Variants in LPIN2 observed in about 807,000 individuals in gnomAD.
LPIN2 encodes lipin 2, also known as phosphatidate phosphatase LPIN2.
In LPIN2, 55 loss-of-function variants were observed where a neutral mutation model predicts 111.4. The observed-to-expected ratio is 0.49, with a 90% CI of 0.40 to 0.62. The LOEUF is 0.62. LPIN2 is among the 20% of genes least tolerant of loss of function. The pLI, the probability that LPIN2 is intolerant of heterozygous loss-of-function variation, is 0.00. For synonymous variants in LPIN2, 425 were observed against 414.0 expected, an observed-to-expected ratio of 1.03 and a Z score of -0.32; for missense variants, 992 against 1,112.1, an observed-to-expected ratio of 0.89 and a Z score of 1.54.
intron 1 of LPIN2, among the ~76,000 whole-genome samples, chr18:3,011,052 C>T (rs967221220): frequency 6.6e-5 from 10 of 152,148 alleles, no homozygotes; most frequent in African/African-American, 2.4e-4. Context: ...ATCCCAAAGC[C>T]GGCTATGTGC....
chr18:2,946,512 T>G, intron 4 of LPIN2: 2 of 1,565,906 alleles, frequency 1.3e-6, no homozygotes, highest in Non-Finnish European at 1.8e-6. Flanking sequence ...TGACCGCAGC[T>G]CCGGTTGTAG....
At chr18:2,993,361 C>T (rs958427779) in intron 1 of LPIN2, among the ~76,000 whole-genome samples, 1 of 152,196 alleles carries the variant, frequency 6.6e-6, no homozygotes, top group Non-Finnish European at 1.5e-5. Context: ...ATATCATCTT[C>T]TATTCCTATA....
At chr18:2,951,423 T>C (rs2077535924) in intron 3 of LPIN2, 67 bp from the exon 4 acceptor site, 1 of 1,326,620 alleles carries the variant, frequency 7.5e-7, no homozygotes, top group Non-Finnish European at 1.1e-6. Context: ...GCAGTAATAT[T>C]TTGAATATAT....
At chr18:3,005,547 C>T (rs1567866665) in intron 1 of LPIN2, among the ~76,000 whole-genome samples, 1 of 152,090 alleles carries the variant, frequency 6.6e-6, no homozygotes, top group East Asian at 1.9e-4. Context: ...GATGGTGGCA[C>T]ATGCCTGTGG....
chr18:2,940,757 G>T, intron 4 of LPIN2, 45 bp from the exon 5 acceptor site: 1 of 1,176,660 alleles, frequency 8.5e-7, no homozygotes, highest in Non-Finnish European at 1.3e-6. Flanking sequence ...TGACATTCTT[G>T]TCAGCTTTAA....
intron 4 of LPIN2, among the ~76,000 whole-genome samples, chr18:2,942,086 C>CCAGGTTA (rs1568544717): frequency 2.6e-4 from 40 of 152,114 alleles, no homozygotes; most frequent in African/African-American, 9.4e-4. Context: ...AAACCAGGTT[C>CCAGGTTA]TTTTTTAATA....
chr18:2,939,602 T>C lies in LPIN2; in HGVS notation c.700A>G (p.Thr234Ala), dbSNP rs2077341639. 6.2e-7 allele frequency: 1 copy of C among 1,613,102 alleles called. No homozygotes were observed. The highest frequency in any genetic ancestry group is 1.7e-5 in the Admixed American group (1 of 59,992). ...TTAGGACACGCTGTCTGGGGATAGG[T>C]GCTGCAAAGAGAACAAAGACACACG... ...SDGDWSPLET[T>A]YPQTACPKSD... is the part of the protein sequence containing the mutation. The change falls in exon 6 of 20, where the codon ACC (threonine) becomes GCC (alanine). Residue 234 changes from threonine (T) to alanine (A), a missense_variant and splice_region_variant. This residue lies in a region of LPIN2 where 709 missense variants were observed against 753.2 expected (regional missense o/e 0.94). Transcript: ENST00000677752.
chr18:2,993,665 C>T (rs766795512), intron 1 of LPIN2, among the ~76,000 whole-genome samples: 4 of 152,164 alleles, frequency 2.6e-5, no homozygotes, highest in African/African-American at 4.8e-5. Flanking sequence ...AGAGCTTCTT[C>T]CTTCAGTCAA....
At chr18:3,003,307 T>C (rs1263796719) in intron 1 of LPIN2, among the ~76,000 whole-genome samples, 1 of 152,190 alleles carries the variant, frequency 6.6e-6, no homozygotes, top group African/African-American at 2.4e-5. Flanking sequence ...GTGAGTCAAA[T>C]GATACAGTGA....
chr18:2,972,583 T>C (rs2077938667), intron 1 of LPIN2, among the ~76,000 whole-genome samples: 1 of 152,152 alleles, frequency 6.6e-6, no homozygotes, highest in African/African-American at 2.4e-5. Context: ...TCTTCAGAAA[T>C]AGAACCTGGT....
intron 3 of LPIN2, among the ~76,000 whole-genome samples, chr18:2,951,858 G>C (rs1406214603): frequency 4.6e-5 from 7 of 152,190 alleles, no homozygotes; most frequent in African/African-American, 1.4e-4. Context: ...CTTATGTTTT[G>C]CCAAATTAAT....
intron 4 of LPIN2, among the ~76,000 whole-genome samples, chr18:2,941,140 C>T (rs1168425146): frequency 2.0e-5 from 3 of 152,114 alleles, no homozygotes; most frequent in Non-Finnish European, 4.4e-5. Flanking sequence ...AACAAGTAAG[C>T]CCTTATTCTT....
intron 1 of LPIN2, among the ~76,000 whole-genome samples, chr18:3,001,491 T>C (rs2078434728): frequency 6.6e-6 from 1 of 152,098 alleles, no homozygotes; most frequent in Admixed American, 6.6e-5. Flanking sequence ...AAACAATGAA[T>C]ATTAAGAAAA....
chr18:2,985,942 C>G (rs1225588137), intron 1 of LPIN2, among the ~76,000 whole-genome samples: 2 of 152,178 alleles, frequency 1.3e-5, no homozygotes, highest in Non-Finnish European at 2.9e-5. Context: ...CAAAGAATTT[C>G]ATAATACCCA....
chr18:2,998,106 GACC>G (rs2078372996), intron 1 of LPIN2, among the ~76,000 whole-genome samples: 1 of 152,192 alleles, frequency 6.6e-6, no homozygotes, highest in African/African-American at 2.4e-5. Context: ...TGCCCACTGG[GACC>G]ACAATGGAAT....
At chr18:3,005,544 G>A (rs2078500849) in intron 1 of LPIN2, among the ~76,000 whole-genome samples, 2 of 152,030 alleles carry the variant, frequency 1.3e-5, no homozygotes, top group African/African-American at 2.4e-5. Flanking sequence ...GGGGATGGTG[G>A]CACATGCCTG....
In LPIN2 at chr18:2,939,539, G is replaced by C. The variant is rs774861141; in HGVS notation, c.763C>G (p.Leu255Val). The C allele has an allele frequency of 1.5e-5, 24 of 1,614,114 alleles. No homozygotes were observed. In the South Asian group the frequency reaches 1.8e-4, roughly 12 times the overall value. Residue 255 changes from leucine (L) to valine (V), a missense_variant, in exon 6 of 20, where the codon CTG becomes GTG. Transcript: ENST00000677752. Reference protein sequence around the residue: ...SELEVKPAESLLRSESHMEWT... With the variant: ...SELEVKPAESVLRSESHMEWT... Reference sequence around the variant, plus strand: ...TCCATGTGAGACTCTGATCTGAGCAGGCTCTCCGCAGGTTTCACCTCCAGC... The same window carrying C: ...TCCATGTGAGACTCTGATCTGAGCACGCTCTCCGCAGGTTTCACCTCCAGC...
intron 1 of LPIN2, chr18:2,979,018 G>A (rs917670724): frequency 6.6e-6 from 1 of 152,368 alleles, no homozygotes; most frequent in Non-Finnish European, 1.5e-5. Context: ...ACAGTGAACA[G>A]AGCTGAAGAA....
chr18:2,933,163 A>C (rs1881646017), intron 8 of LPIN2, among the ~76,000 whole-genome samples: 1 of 152,248 alleles, frequency 6.6e-6, no homozygotes, highest in Non-Finnish European at 1.5e-5. Context: ...CTCACTCACT[A>C]TCTTTAAATA....
Sources: gnomAD v4.1 joint callset for allele counts (sites outside exome capture counted in the v4.1 genomes callset) on GRCh38, gnomAD v4.1.1 for gene constraint, gnomAD v4.1.1 regional missense constraint, MANE v1.5 for transcripts, NCBI Gene and HGNC (gene_info 2026-07-23, HGNC 2026-07-21) for gene names.